The following ADGRB3 variants were observed in gnomAD, a reference collection of about 807,000 sequenced individuals.
ADGRB3 encodes brain-specific angiogenesis inhibitor 3.
Under a neutral mutation model 193.4 loss-of-function variants are expected in ADGRB3, and 37 were observed. The ratio of observed to expected loss-of-function variants is 0.19; its 90% CI spans 0.15 to 0.25. The LOEUF is 0.25. ADGRB3 is among the 10% of genes least tolerant of loss of function. The pLI, the probability that ADGRB3 is intolerant of heterozygous loss-of-function variation, is 1.00. For synonymous variants in ADGRB3, 690 were observed against 644.2 expected (o/e 1.07, Z -1.08); for missense variants, 1,637 against 1,852.9 (o/e 0.88, Z 2.14).
At chr6:69,356,359 G>A (rs1198687182) in intron 28 of ADGRB3, among the ~76,000 whole-genome samples, 1 of 152,102 alleles carries the variant, frequency 6.6e-6, no homozygotes, top group African/African-American at 2.4e-5. Flanking sequence ...TCATAGGACT[G>A]GGGTTATTGA....
intron 13 of ADGRB3, among the ~76,000 whole-genome samples, chr6:69,018,954 G>C (rs1770180001): frequency 6.6e-6 from 1 of 151,982 alleles, no homozygotes; most frequent in South Asian, 2.1e-4. Context: ...AGCTGAATCT[G>C]TGTGTGGTAG....
Position 69,326,993 on chromosome 6 carries a change from A to G in ADGRB3, c.2966-827A>G, listed in dbSNP as rs139302411. Among the ~76,000 whole-genome samples the G allele has an allele frequency of 5.2e-4, 79 of 152,292 alleles. No individual in the cohort carries two copies. In the East Asian group the frequency reaches 0.013, roughly 25 times the overall value. On this transcript the variant is annotated intron_variant, in intron 21 of 31. Coordinates refer to ENST00000370598, the MANE Select transcript of ADGRB3 (RefSeq NM_001704.3). ...TCTCATGAAGGAATGTGATGCCACT[A>G]GAGAAGGCTCACAGAAGAGAATAGC...
chr6:68,785,225 A>G (rs1766939817), intron 3 of ADGRB3, among the ~76,000 whole-genome samples: 1 of 152,036 alleles, frequency 6.6e-6, no homozygotes, highest in Admixed American at 6.6e-5. Flanking sequence ...TTACATATGT[A>G]TGCATGGGCC....
chr6:69,321,151 C>A (rs1004685722), intron 20 of ADGRB3, among the ~76,000 whole-genome samples: 2 of 151,724 alleles, frequency 1.3e-5, no homozygotes, highest in African/African-American at 4.8e-5. Context: ...ACAGTTAACA[C>A]TTCTTATTTT....
intron 28 of ADGRB3, among the ~76,000 whole-genome samples, chr6:69,359,366 C>G (rs1409666822): frequency 6.6e-6 from 1 of 151,220 alleles, no homozygotes; most frequent in Non-Finnish European, 1.5e-5. Context: ...TTGGAAATAA[C>G]TTTTTAAAAC....
rs139841114 is a variant in ADGRB3, at chr6:69,290,838, A to G, written c.2815-34034A>G. ...TATGTTAGTGTTTCAGTTAACATGA[A>G]AATCTCTGAAACAAGTACATAAGGT... is the stretch of plus-strand genomic sequence containing the variant. On this transcript the variant is annotated intron_variant, in intron 20 of 31. Transcript: ENST00000370598. 5.3e-4 allele frequency among the ~76,000 whole-genome samples: 81 copies of G among 152,274 alleles called. 1 individual carries two copies. The highest frequency in any genetic ancestry group is 1.9e-3 in the African/African-American group (77 of 41,576).
intron 3 of ADGRB3, among the ~76,000 whole-genome samples, chr6:68,900,521 A>T (rs1766365511): frequency 6.6e-6 from 1 of 152,196 alleles, no homozygotes; most frequent in African/African-American, 2.4e-5. Flanking sequence ...TGACTTCAGC[A>T]GAAAAAGAGC....
intron 3 of ADGRB3, among the ~76,000 whole-genome samples, chr6:68,661,623 G>T (rs1050019744): frequency 6.9e-6 from 1 of 144,360 alleles, no homozygotes; most frequent in Non-Finnish European, 1.5e-5. Context: ...TGATTGGCAG[G>T]AATATAATTT....
intron 13 of ADGRB3, among the ~76,000 whole-genome samples, chr6:69,037,494 A>C (rs967205673): frequency 6.7e-6 from 1 of 148,196 alleles, no homozygotes; most frequent in Non-Finnish European, 1.5e-5. Flanking sequence ...AGCATGATTT[A>C]AACCTAAAAC....
At chr6:69,331,720 C>T (rs2127314205) in intron 23 of ADGRB3, 1 of 985,076 alleles carries the variant, frequency 1.0e-6, no homozygotes, top group East Asian at 1.1e-4. Context: ...AGGTTAATGC[C>T]AATATAACAC....
intron 20 of ADGRB3, among the ~76,000 whole-genome samples, chr6:69,265,635 T>TA (rs1177428345): frequency 1.3e-5 from 2 of 152,048 alleles, no homozygotes; most frequent in Non-Finnish European, 2.9e-5. Context: ...TCCAACTTTG[T>TA]AAAAAATCCA....
At chr6:69,232,528 C>T in intron 17 of ADGRB3, 1 of 1,535,658 alleles carries the variant, frequency 6.5e-7, no homozygotes, top group South Asian at 1.2e-5. Flanking sequence ...TTGGGGTTAG[C>T]TTAATGCTTC....
chr6:69,126,098 A>G (rs1363594662), intron 17 of ADGRB3, among the ~76,000 whole-genome samples: 2 of 152,202 alleles, frequency 1.3e-5, no homozygotes, highest in Admixed American at 1.3e-4. Context: ...GACTAGTTAC[A>G]AATAAAACCT....
intron 20 of ADGRB3, among the ~76,000 whole-genome samples, chr6:69,306,615 T>A (rs1234277306): frequency 6.6e-6 from 1 of 151,582 alleles, no homozygotes; most frequent in Admixed American, 6.6e-5. Flanking sequence ...ACTCATTTGC[T>A]TAGCAAGTAA....
chr6:69,250,742 A>G (rs1298850545), intron 20 of ADGRB3, among the ~76,000 whole-genome samples: 1 of 152,238 alleles, frequency 6.6e-6, no homozygotes, highest in Non-Finnish European at 1.5e-5. Flanking sequence ...CTTTAAGCTC[A>G]ACCACTTCCT....
At chr6:68,795,499 A>G (rs1372155816) in intron 3 of ADGRB3, among the ~76,000 whole-genome samples, 2 of 152,130 alleles carry the variant, frequency 1.3e-5, no homozygotes, top group East Asian at 3.8e-4. Context: ...TCTCCTTAAC[A>G]TAATCAGATG....
At chr6:69,120,165 G>C (rs1245819449) in intron 17 of ADGRB3, among the ~76,000 whole-genome samples, 1 of 152,206 alleles carries the variant, frequency 6.6e-6, no homozygotes, top group Non-Finnish European at 1.5e-5. Flanking sequence ...CAGGTTTGTG[G>C]GGTAGGAATG....
At chr6:68,942,103 T>G (rs942153279) in intron 5 of ADGRB3, among the ~76,000 whole-genome samples, 1 of 152,070 alleles carries the variant, frequency 6.6e-6, no homozygotes, top group Non-Finnish European at 1.5e-5. Flanking sequence ...ATATTTCTAT[T>G]GGCTGTTTTT....
intron 28 of ADGRB3, 71 bp from the exon 29 acceptor site, chr6:69,360,798 C>A: frequency 1.4e-6 from 2 of 1,421,844 alleles, no homozygotes; most frequent in South Asian, 2.9e-5. Flanking sequence ...GAAAGCGAGA[C>A]AACATAATAT....
Sources: gnomAD v4.1 joint callset for allele counts (sites outside exome capture counted in the v4.1 genomes callset) on GRCh38, gnomAD v4.1.1 for gene constraint, MANE v1.5 for transcripts, NCBI Gene and HGNC (gene_info 2026-07-23, HGNC 2026-07-21) for gene names.